CABLES2: variants seen among roughly 807,000 people sequenced by gnomAD.
CABLES2 encodes Cdk5 and Abl enzyme substrate 2.
Under a neutral mutation model 44.8 loss-of-function variants are expected in CABLES2, and 35 were observed. The ratio of observed to expected loss-of-function variants is 0.78; its 90% CI spans 0.60 to 1.04. CABLES2 has a LOEUF of 1.04. Ranked by LOEUF, CABLES2 falls within the 50% of genes least tolerant of loss-of-function variation. The pLI, the probability that CABLES2 is intolerant of heterozygous loss-of-function variation, is 0.00. For synonymous variants in CABLES2, 282 were observed against 281.1 expected, an observed-to-expected ratio of 1.00 and a Z score of -0.03; for missense variants, 566 against 615.7, an observed-to-expected ratio of 0.92 and a Z score of 0.85.
chr20:62,405,674 AG>A (rs1271996456), intron 1 of CABLES2: 1 of 152,354 alleles, frequency 6.6e-6, no homozygotes, highest in Non-Finnish European at 1.5e-5. Flanking sequence ...CCCGAAGGCC[AG>A]GGGCGTGGGG....
chr20:62,400,454 G>T (rs73143443), intron 1 of CABLES2, among the ~76,000 whole-genome samples: 5 of 152,122 alleles, frequency 3.3e-5, no homozygotes, highest in Non-Finnish European at 7.4e-5. Flanking sequence ...GGAGCCCAGC[G>T]GAGGCTGGAT....
intron 3 of CABLES2, 59 bp from the exon 4 acceptor site, chr20:62,395,073 G>T: frequency 8.1e-7 from 1 of 1,236,460 alleles, no homozygotes; most frequent in Non-Finnish European, 1.2e-6. Context: ...AGGTACTGCT[G>T]CTTCCAGAGC....
chr20:62,393,866 C>G (rs1446936105), intron 5 of CABLES2, among the ~76,000 whole-genome samples: 1 of 152,218 alleles, frequency 6.6e-6, no homozygotes, highest in East Asian at 1.9e-4. Flanking sequence ...TGCTGACCAC[C>G]AGCACAGAGG....
chr20:62,390,911 G>C lies in CABLES2; in HGVS notation c.*60C>G, dbSNP rs954752649. 1.9e-6 allele frequency: 3 copies of C among 1,596,214 alleles called. No homozygotes were observed. The highest frequency in any genetic ancestry group is 2.7e-5 in the African/African-American group (2 of 74,592). Reference sequence around the variant, plus strand: ...GCAGGAGGAGGCGCGGGGCTTCAGTGGGACACCTCCCAGGCCGGCAAGTGC... The same window carrying C: ...GCAGGAGGAGGCGCGGGGCTTCAGTCGGACACCTCCCAGGCCGGCAAGTGC... On this transcript the variant is annotated 3_prime_UTR_variant, in exon 10 of 10. Coordinates refer to ENST00000279101, the MANE Select transcript of CABLES2 (RefSeq NM_031215.3).
intron 1 of CABLES2, among the ~76,000 whole-genome samples, chr20:62,398,094 G>GTGGTGGTGGTGGTGGTGGTGA (rs1569017573): frequency 4.3e-5 from 6 of 138,946 alleles, no homozygotes; most frequent in Non-Finnish European, 9.5e-5. Context: ...GGTGACGGTG[G>GTGGTGGTGGTGGTGGTGGTGA]TGGTGGTGGT....
intron 7 of CABLES2, 77 bp downstream of exon 7, chr20:62,392,843 C>T (rs1987944332): frequency 4.5e-6 from 6 of 1,345,610 alleles, no homozygotes; most frequent in African/African-American, 1.4e-5. Context: ...CAGCTTTGCC[C>T]ACAGCCTGCC....
Position 62,394,819 on chromosome 20 carries a change from C to CG in CABLES2, c.605+117dup, listed in dbSNP as rs1987986539. 4 of 872,624 alleles carry CG rather than the reference C, an allele frequency of 4.6e-6. No homozygotes were observed. In the African/African-American group the frequency reaches 5.1e-5, roughly 11 times the overall value. The allele number at this position is 872,624 out of a possible 1,614,324, so 54.1% of individuals were successfully genotyped here. On this transcript the variant is annotated intron_variant, in intron 4 of 9. Transcript: ENST00000279101. ...TGACATGCTGAGCCTCGCATGAGCCCGGGGGCAGCCGCACCTGGGGGCGCA... is the reference window on the plus strand; with the variant it reads ...TGACATGCTGAGCCTCGCATGAGCCCGGGGGGCAGCCGCACCTGGGGGCGCA...
chr20:62,396,544 G>A lies in CABLES2; in HGVS notation c.411C>T (p.Ala137=), dbSNP rs148559612. The A allele has an allele frequency of 8.7e-6, 14 of 1,613,708 alleles. No individual in the cohort carries two copies. In the Admixed American group the frequency reaches 1.7e-4, roughly 19 times the overall value. Residue 137 remains alanine (A), a synonymous_variant, in exon 2 of 10, where the codon GCC becomes GCT. Transcript: ENST00000279101. The surrounding 1 kb of genome is among the most constrained non-coding windows in gnomAD (Gnocchi z 5.7). The part of the protein sequence containing the change: ...QRCSLEFLED[A]VGCAPAQRTK... ...ACCTCTGTGCTGGAGCGCATCCCAC[G>A]GCATCTTCCAGAAACTCCAGGGAGC... is the stretch of plus-strand genomic sequence containing the variant.
At chr20:62,392,337 A>G in intron 8 of CABLES2, 52 bp downstream of exon 8, 1 of 1,281,056 alleles carries the variant, frequency 7.8e-7, no homozygotes, top group Non-Finnish European at 1.1e-6. Flanking sequence ...TGGAGAGGAG[A>G]GGCTGGCAGG....
Position 62,391,288 on chromosome 20 carries a change from G to A in CABLES2, c.1257C>T (p.Ser419=). The A allele has an allele frequency of 6.2e-7, 1 of 1,612,814 alleles. No homozygotes were observed. Among genetic ancestry groups the A allele is most frequent in the Non-Finnish European group, 8.5e-7 (1 of 1,179,962 alleles). Residue 419 remains serine (S), a synonymous_variant, in exon 9 of 10, where the codon AGC becomes AGT. Transcript: ENST00000279101. The surrounding 1 kb of genome is among the most constrained non-coding windows in gnomAD (Gnocchi z 5.7). ...TCACGCCGCTCTTGCGCAGGTCACT[G>A]CTGATCTTGGCAGCCAGCAGCACGC... The part of the protein sequence containing the change: ...GACVLLAAKI[S]SDLRKSGVTQ...
At position 62,394,325 on chromosome 20, in the gene CABLES2, C is replaced by T. The variant is rs929241475; in HGVS notation, c.606-60G>A. 8.6e-6 allele frequency: 12 copies of T among 1,403,238 alleles called. No individual in the cohort carries two copies. The South Asian group carries it at 1.1e-4, about 13-fold the overall frequency. 86.9% of individuals were successfully genotyped at this position (1,403,238 alleles called of 1,614,324 possible). ...GCGCTGAACTCAGGCTCTGGCAGCC[C>T]AGCCCACCTGTCCGCTGGCCCGAGG... On this transcript the variant is annotated intron_variant, in intron 4 of 9. Coordinates refer to ENST00000279101, the MANE Select transcript of CABLES2 (RefSeq NM_031215.3).
At chr20:62,398,127 ATG>A (rs1988095411) in intron 1 of CABLES2, among the ~76,000 whole-genome samples, 3 of 29,640 alleles carry the variant, frequency 1.0e-4, no homozygotes, top group East Asian at 1.3e-3. Flanking sequence ...GGTGGTGGTT[ATG>A]ACGGTGGTGA....
chr20:62,393,427 G>C lies in CABLES2; in HGVS notation c.880+13C>G. On this transcript the variant is annotated intron_variant, in intron 6 of 9. Transcript: ENST00000279101. ...CACCCTGTTCCAGGCCGTGGTTAAG[G>C]CACGTGGGCTACCTAGTTCTGTGCT... 1 of 1,580,134 alleles carries C rather than the reference G, an allele frequency of 6.3e-7. No homozygotes were observed. Among genetic ancestry groups the C allele is most frequent in the Non-Finnish European group, 8.6e-7 (1 of 1,161,408 alleles).
intron 4 of CABLES2, among the ~76,000 whole-genome samples, chr20:62,394,622 C>A (rs940367312): frequency 2.6e-5 from 4 of 152,332 alleles, no homozygotes; most frequent in Non-Finnish European, 5.9e-5. Flanking sequence ...TCCTCCTTCC[C>A]TGAATTACGC....
At chr20:62,393,320 T>C in intron 6 of CABLES2, 120 bp downstream of exon 6, 1 of 1,109,994 alleles carries the variant, frequency 9.0e-7, no homozygotes, top group Non-Finnish European at 1.3e-6. Flanking sequence ...TTCCCCAGGC[T>C]CCATCTGCAC....
chr20:62,390,897 C>G lies in CABLES2; in HGVS notation c.*74G>C. The G allele has an allele frequency of 2.5e-6, 4 of 1,574,402 alleles. No individual in the cohort carries two copies. The highest frequency in any genetic ancestry group is 3.5e-6 in the Non-Finnish European group (4 of 1,150,540). ...TGCTGGGGGTGCTGGCAGGAGGAGGCGCGGGGCTTCAGTGGGACACCTCCC... is the reference window on the plus strand; with the variant it reads ...TGCTGGGGGTGCTGGCAGGAGGAGGGGCGGGGCTTCAGTGGGACACCTCCC... On this transcript the variant is annotated 3_prime_UTR_variant, in exon 10 of 10. Coordinates refer to ENST00000279101, the MANE Select transcript of CABLES2 (RefSeq NM_031215.3).
rs2146421509 is a variant in CABLES2, at chr20:62,396,122, C to G, written c.527+193G>C. Among the ~76,000 whole-genome samples, 1 of 152,276 alleles carries G rather than the reference C, an allele frequency of 6.6e-6. No individual in the cohort carries two copies. Among genetic ancestry groups the G allele is most frequent in the East Asian group, 1.9e-4 (1 of 5,172 alleles). On this transcript the variant is annotated intron_variant, in intron 3 of 9. Transcript: ENST00000279101. The surrounding 1 kb of genome is among the most constrained non-coding windows in gnomAD (Gnocchi z 5.7). ...GAGGGTGATCTCGCTGTGGTGACAC[C>G]AGGGACCTGCGGGTGCTCGGCTGAT... is the stretch of plus-strand genomic sequence containing the variant.
At position 62,393,361 on chromosome 20, in the gene CABLES2, ATGC is replaced by A. The variant is rs1987955144; in HGVS notation, c.880+76_880+78del. On this transcript the variant is annotated intron_variant, in intron 6 of 9. Coordinates refer to ENST00000279101, the MANE Select transcript of CABLES2 (RefSeq NM_031215.3). ...GCTACAGATTGAAAGGGGCTTGCTG[ATGC>A]TGCTGCAGTCCCTGGGCCGTGGTTA... 9 of 1,411,210 alleles carry A rather than the reference ATGC, an allele frequency of 6.4e-6. 2 individuals carry two copies. The South Asian group carries it at 1.2e-4, about 19-fold the overall frequency. The allele number at this position is 1,411,210 out of a possible 1,614,324, so 87.4% of individuals were successfully genotyped here. A position where few individuals can be genotyped will look rare whatever the true frequency, so the allele number is the denominator to read the frequency against.
rs1987945968 is a variant in CABLES2 at position 62,392,908 on chromosome 20, G to A, written c.984+12C>T. 1.2e-6 allele frequency: 2 copies of A among 1,610,052 alleles called. No individual in the cohort carries two copies. Among genetic ancestry groups the A allele is most frequent in the Admixed American group, 3.3e-5 (2 of 60,010 alleles). On this transcript the variant is annotated intron_variant, in intron 7 of 9. Transcript: ENST00000279101. ...AGCTGCCTGCACCCAGGCCCTGGGA[G>A]AGGGCACTCACCATGTACGACGCAA... is the stretch of plus-strand genomic sequence containing the variant.
Sources: allele counts gnomAD v4.1 joint callset (sites outside exome capture counted in the v4.1 genomes callset), GRCh38; gene constraint gnomAD v4.1.1; non-coding constraint Gnocchi (gnomAD v3.1); transcripts MANE v1.5; gene names NCBI Gene and HGNC (gene_info 2026-07-23, HGNC 2026-07-21).